The following WDR70 variants were observed in gnomAD, a reference collection of about 807,000 sequenced individuals.
WDR70 encodes WD repeat-containing protein 70.
WDR70 carries 53 observed loss-of-function variants against 88.6 expected under a neutral mutation model. The ratio of observed to expected loss-of-function variants is 0.60; its 90% CI spans 0.48 to 0.75. The LOEUF (loss-of-function observed/expected upper bound fraction) is 0.75. Among genes scored for constraint, WDR70 ranks in the 30% least tolerant of loss-of-function variants. The pLI is 0.00. For synonymous variants in WDR70, 280 were observed against 270.0 expected, an observed-to-expected ratio of 1.04 and a Z score of -0.36; for missense variants, 610 against 823.2, an observed-to-expected ratio of 0.74 and a Z score of 3.17.
chr5:37,391,447 T>G (rs1193370914), intron 3 of WDR70, among the ~76,000 whole-genome samples: 2 of 152,200 alleles, frequency 1.3e-5, no homozygotes, highest in Non-Finnish European at 2.9e-5. Context: ...TAACCACCAT[T>G]CTACTTTTTG....
intron 8 of WDR70, among the ~76,000 whole-genome samples, chr5:37,497,268 C>T (rs560122919): frequency 6.7e-6 from 1 of 148,506 alleles, no homozygotes; most frequent in Admixed American, 6.7e-5. Context: ...TCCCTTCCTC[C>T]CTCCCTTTTC....
At chr5:37,442,343 T>G (rs1197344164) in intron 6 of WDR70, among the ~76,000 whole-genome samples, 1 of 9,422 alleles carries the variant, frequency 1.1e-4, no homozygotes, top group East Asian at 0.5. Context: ...GGCCTGCAAA[T>G]TTTTTTTTTT....
chr5:37,511,650 C>T (rs1740726243), intron 8 of WDR70, among the ~76,000 whole-genome samples: 1 of 152,154 alleles, frequency 6.6e-6, no homozygotes, highest in African/African-American at 2.4e-5. Context: ...CACATATATA[C>T]ATATACAACA....
chr5:37,555,367 A>G (rs1742267536), intron 9 of WDR70, among the ~76,000 whole-genome samples: 1 of 152,198 alleles, frequency 6.6e-6, no homozygotes, highest in African/African-American at 2.4e-5. Flanking sequence ...AAGTTCTCAA[A>G]TGCTTAGATT....
At chr5:37,666,523 G>T (rs1335291110) in intron 10 of WDR70, among the ~76,000 whole-genome samples, 2 of 152,140 alleles carry the variant, frequency 1.3e-5, no homozygotes, top group Non-Finnish European at 2.9e-5. Flanking sequence ...AATTTTATCT[G>T]TTTTCAGAAA....
intron 9 of WDR70, among the ~76,000 whole-genome samples, chr5:37,554,680 A>ACACG (rs1554149637): frequency 2.1e-5 from 3 of 142,934 alleles, no homozygotes; most frequent in Non-Finnish European, 4.5e-5. Flanking sequence ...ACCTGCACGC[A>ACACG]CACACACACA....
intron 9 of WDR70, among the ~76,000 whole-genome samples, chr5:37,538,308 T>C (rs1056621127): frequency 1.3e-5 from 2 of 151,972 alleles, no homozygotes; most frequent in African/African-American, 2.4e-5. Context: ...AGCCTCTGGA[T>C]AAAAGTTTAT....
At chr5:37,531,597 T>TTC (rs1741487344) in intron 9 of WDR70, among the ~76,000 whole-genome samples, 3 of 148,970 alleles carry the variant, frequency 2.0e-5, no homozygotes, top group Non-Finnish European at 4.5e-5. Flanking sequence ...CTTTTTTTTT[T>TTC]TTTTTTTTTT....
intron 10 of WDR70, among the ~76,000 whole-genome samples, chr5:37,685,872 G>A (rs1203079588): frequency 1.3e-5 from 2 of 152,150 alleles, no homozygotes; most frequent in East Asian, 3.9e-4. Context: ...AATGAGTCCA[G>A]TGTGCTCTAA....
At chr5:37,642,128 T>C (rs1168830609) in intron 10 of WDR70, among the ~76,000 whole-genome samples, 1 of 152,180 alleles carries the variant, frequency 6.6e-6, no homozygotes, top group Non-Finnish European at 1.5e-5. Context: ...CAAGTGTTTC[T>C]TCTGAGATCA....
At chr5:37,734,973 C>T (rs563108057) in intron 17 of WDR70, among the ~76,000 whole-genome samples, 1 of 152,142 alleles carries the variant, frequency 6.6e-6, no homozygotes, top group African/African-American at 2.4e-5. Context: ...GTGTATTTTT[C>T]TTTTCTATAT....
chr5:37,676,469 T>C (rs1269767650), intron 10 of WDR70, among the ~76,000 whole-genome samples: 1 of 152,266 alleles, frequency 6.6e-6, no homozygotes, highest in South Asian at 2.1e-4. Flanking sequence ...GTCAAAGGCC[T>C]TTTCTGCATC....
At chr5:37,748,613 A>G (rs559020396) in intron 17 of WDR70, among the ~76,000 whole-genome samples, 7 of 152,366 alleles carry the variant, frequency 4.6e-5, no homozygotes, top group African/African-American at 1.4e-4. Flanking sequence ...AAATTGACAA[A>G]TGGGATCTAA....
rs190480866 is a variant in WDR70 at position 37,386,015 on chromosome 5, C to A, written c.175+4330C>A. Among the ~76,000 whole-genome samples, 45 of 151,058 alleles carry A rather than the reference C, an allele frequency of 3.0e-4. 1 individual carries two copies. The highest frequency in any genetic ancestry group is 2.5e-3 in the East Asian group (13 of 5,106). On this transcript the variant is annotated intron_variant, in intron 3 of 17. Transcript: ENST00000265107. Reference sequence around the variant, plus strand: ...TTTTTAGTAGAGACAGGGTTTCACCCTGTTAGCCAGGATGGTCTCGATCTC... The same window carrying A: ...TTTTTAGTAGAGACAGGGTTTCACCATGTTAGCCAGGATGGTCTCGATCTC...
At chr5:37,460,389 A>G (rs1738951035) in intron 7 of WDR70, among the ~76,000 whole-genome samples, 1 of 9,048 alleles carries the variant, frequency 1.1e-4, no homozygotes, top group Non-Finnish European at 3.1e-4. Flanking sequence ...TGTCCTTTGT[A>G]GGGACATGGA....
At chr5:37,660,553 C>T (rs1422374158) in intron 10 of WDR70, among the ~76,000 whole-genome samples, 3 of 151,686 alleles carry the variant, frequency 2.0e-5, no homozygotes, top group Non-Finnish European at 4.4e-5. Flanking sequence ...TGTTACATAC[C>T]CTGACTCCTG....
At chr5:37,499,537 T>C (rs1337130151) in intron 8 of WDR70, among the ~76,000 whole-genome samples, 2 of 151,070 alleles carry the variant, frequency 1.3e-5, no homozygotes, top group Non-Finnish European at 2.9e-5. Flanking sequence ...TTTTTAAAAA[T>C]ATATATATTC....
chr5:37,476,263 A>T (rs969662487), intron 7 of WDR70, among the ~76,000 whole-genome samples: 4 of 152,172 alleles, frequency 2.6e-5, no homozygotes, highest in African/African-American at 9.7e-5. Context: ...AGTCTATTAT[A>T]AATTAGTACT....
At chr5:37,695,876 A>G (rs1338811378) in intron 10 of WDR70, among the ~76,000 whole-genome samples, 1 of 152,178 alleles carries the variant, frequency 6.6e-6, no homozygotes, top group Non-Finnish European at 1.5e-5. Context: ...TCGGCTTACC[A>G]CAGTGCAGTA....
Sources: allele counts gnomAD v4.1 joint callset (sites outside exome capture counted in the v4.1 genomes callset), GRCh38; gene constraint gnomAD v4.1.1; transcripts MANE v1.5; gene names NCBI Gene and HGNC (gene_info 2026-07-23, HGNC 2026-07-21).